ALK: variants seen among roughly 807,000 people sequenced by gnomAD.
ALK encodes the protein ALK receptor tyrosine kinase.
ALK carries 74 observed loss-of-function variants against 163.1 expected under a neutral mutation model. The ratio of observed to expected loss-of-function variants is 0.45; its 90% CI spans 0.38 to 0.55. ALK has a LOEUF of 0.55. ALK is among the 20% of genes least tolerant of loss of function. The pLI is 0.00. For missense variants in ALK, 2,063 were observed against 2,105.3 expected (o/e 0.98, Z 0.39); for synonymous variants, 960 against 843.2 (o/e 1.14, Z -2.40).
intron 4 of ALK, among the ~76,000 whole-genome samples, chr2:29,434,921 C>G (rs1471392735): frequency 6.6e-6 from 1 of 152,218 alleles, no homozygotes; most frequent in African/African-American, 2.4e-5. Context: ...TAGAAATCTT[C>G]TAGCTCAAAG....
intron 3 of ALK, among the ~76,000 whole-genome samples, chr2:29,658,816 C>T (rs575101438): frequency 6.6e-6 from 1 of 152,240 alleles, no homozygotes; most frequent in Non-Finnish European, 1.5e-5. Flanking sequence ...ATACTCACCC[C>T]TAGAATAGAC....
intron 4 of ALK, among the ~76,000 whole-genome samples, chr2:29,419,085 C>T (rs1269859241): frequency 6.6e-6 from 1 of 151,252 alleles, no homozygotes; most frequent in Non-Finnish European, 1.5e-5. Context: ...GACAGTGTCT[C>T]ACTCTGTTGC....
intron 23 of ALK, among the ~76,000 whole-genome samples, chr2:29,217,320 GTGTGTGTTTTTTGTGTGTAGCATGTGT>G (rs1466237927): frequency 8.9e-5 from 13 of 146,136 alleles, no homozygotes; most frequent in African/African-American, 3.3e-4. Flanking sequence ...TATGCATGTG[GTGTGTGTTTTTTGTGTGTAGCATGTGT>G]TGTGCGTGTG....
chr2:29,393,530 C>T (rs1669230501), intron 4 of ALK, among the ~76,000 whole-genome samples: 1 of 152,216 alleles, frequency 6.6e-6, no homozygotes, highest in Non-Finnish European at 1.5e-5. Context: ...AGGTTTCCCC[C>T]TCAGTCCGTC....
chr2:29,403,349 G>T (rs528150908), intron 4 of ALK, among the ~76,000 whole-genome samples: 79 of 152,220 alleles, frequency 5.2e-4, no homozygotes, highest in African/African-American at 1.7e-3. Flanking sequence ...TCACCTACCA[G>T]AATATCAGGA....
intron 9 of ALK, among the ~76,000 whole-genome samples, chr2:29,291,665 T>C (rs1666027078): frequency 6.6e-6 from 1 of 152,244 alleles, no homozygotes; most frequent in Admixed American, 6.5e-5. Flanking sequence ...CTAATCATCA[T>C]TTATAACTCT....
intron 4 of ALK, among the ~76,000 whole-genome samples, chr2:29,482,025 C>G (rs1283219915): frequency 1.3e-5 from 2 of 152,226 alleles, no homozygotes; most frequent in Non-Finnish European, 2.9e-5. Context: ...CCAGTTGTGG[C>G]TGTCCCTTCT....
At chr2:29,305,464 C>T (rs1384093609) in intron 8 of ALK, among the ~76,000 whole-genome samples, 3 of 152,268 alleles carry the variant, frequency 2.0e-5, no homozygotes, top group Middle Eastern at 3.4e-3. Context: ...CCTTGTTGAT[C>T]ACATGTGTCT....
rs1664284902 is a variant in ALK, at chr2:29,233,671, C to T, written c.2381G>A (p.Cys794Tyr). 1 of 1,614,126 alleles carries T rather than the reference C, an allele frequency of 6.2e-7. No individual in the cohort carries two copies. The highest frequency in any genetic ancestry group is 1.7e-5 in the Admixed American group (1 of 60,004). ...PSTNQLIQKV[C>Y]IGENNVIEEE... ...TTCTATCACATTGTTCTCTCCAATG[C>T]AGACTTTCTGGATTAACTGGTTTGT... The change falls in exon 14 of 29, where the codon TGC (cysteine) becomes TAC (tyrosine). Residue 794 changes from cysteine (C) to tyrosine (Y), a missense_variant. Transcript: ENST00000389048.
In ALK at chr2:29,196,607, A is replaced by G. The variant is rs17007666; in HGVS notation, c.4164+163T>C. On this transcript the variant is annotated intron_variant, in intron 28 of 28. Coordinates refer to ENST00000389048, the MANE Select transcript of ALK (RefSeq NM_004304.5). ...AATATTTATTTTACAAAATGGGCAA[A>G]TGGAGACACCAGTCATTTCATTTTA... 0.057 allele frequency among the ~76,000 whole-genome samples: 8,753 copies of G among 152,312 alleles called. 536 individuals carry two copies. The highest frequency in any genetic ancestry group is 0.16 in the African/African-American group (6,662 of 41,554).
rs551471827 is a variant in ALK at position 29,830,651 on chromosome 2, T to C, written c.667+89342A>G. Among the ~76,000 whole-genome samples, 6 of 139,488 alleles carry C rather than the reference T, an allele frequency of 4.3e-5. No homozygotes were observed. The East Asian group carries it at 1.3e-3, about 30-fold the overall frequency. 91.5% of individuals were successfully genotyped at this position (139,488 alleles called of 152,430 possible). A position where few individuals can be genotyped will look rare whatever the true frequency, so the allele number is the denominator to read the frequency against. On this transcript the variant is annotated intron_variant, in intron 1 of 28. Coordinates refer to ENST00000389048, the MANE Select transcript of ALK (RefSeq NM_004304.5). ...CAGGAGACTGAGGGAGGAGGATTGC[T>C]TGAGGTCAGGAGTTGAAGACCAGCC...
chr2:29,235,931 C>T (rs75675562), intron 13 of ALK, among the ~76,000 whole-genome samples: 10,386 of 128,292 alleles, frequency 0.081, 493 homozygotes, highest in Non-Finnish European at 0.11. Context: ...TGGTCTCTGA[C>T]TCCTGGCTTT....
chr2:29,578,573 G>C (rs1305218587), intron 3 of ALK, among the ~76,000 whole-genome samples: 1 of 152,180 alleles, frequency 6.6e-6, no homozygotes, highest in African/African-American at 2.4e-5. Context: ...TTGGGGGTAG[G>C]GGGGCTCCCA....
rs1395550114 is a variant in ALK, at chr2:29,807,339, T to C, written c.668-89642A>G. On this transcript the variant is annotated intron_variant, in intron 1 of 28. Transcript: ENST00000389048. Reference sequence around the variant, plus strand: ...AGAATAGAAGATAACCATAGCGGTGTGAGTCTTGTGCTATTGATTTTGCAT... The same window carrying C: ...AGAATAGAAGATAACCATAGCGGTGCGAGTCTTGTGCTATTGATTTTGCAT... Among the ~76,000 whole-genome samples the C allele has an allele frequency of 2.0e-5, 3 of 152,170 alleles. No homozygotes were observed. In the East Asian group the frequency reaches 5.8e-4, roughly 29 times the overall value.
chr2:29,508,636 T>G (rs980329654), intron 4 of ALK, among the ~76,000 whole-genome samples: 1 of 146,634 alleles, frequency 6.8e-6, no homozygotes, highest in African/African-American at 2.5e-5. Flanking sequence ...ACATGGCACA[T>G]GTATACATAC....
intron 1 of ALK, among the ~76,000 whole-genome samples, chr2:29,804,670 T>C (rs1664564654): frequency 6.6e-6 from 1 of 152,200 alleles, no homozygotes; most frequent in South Asian, 2.1e-4. Context: ...TCGCAGCCCA[T>C]TAGTCCTAAT....
At chr2:29,415,383 T>C (rs1669844276) in intron 4 of ALK, among the ~76,000 whole-genome samples, 1 of 152,072 alleles carries the variant, frequency 6.6e-6, no homozygotes, top group Admixed American at 6.6e-5. Flanking sequence ...TTTTCTACTG[T>C]ACCCCCAAAG....
intron 8 of ALK, among the ~76,000 whole-genome samples, chr2:29,310,125 T>C (rs1439768173): frequency 6.6e-6 from 1 of 152,156 alleles, no homozygotes; most frequent in African/African-American, 2.4e-5. Context: ...GGCTCCTCAG[T>C]GGGGCAGAGC....
intron 1 of ALK, among the ~76,000 whole-genome samples, chr2:29,758,144 A>G (rs773420198): frequency 1.3e-5 from 2 of 150,452 alleles, no homozygotes; most frequent in Non-Finnish European, 2.9e-5. Context: ...TGGAGTAGCT[A>G]GGACCACAGG....
Sources: gnomAD v4.1 joint callset for allele counts (sites outside exome capture counted in the v4.1 genomes callset) on GRCh38, gnomAD v4.1.1 for gene constraint, MANE v1.5 for transcripts, NCBI Gene and HGNC (gene_info 2026-07-23, HGNC 2026-07-21) for gene names.